TNS1: variants seen among roughly 807,000 people sequenced by gnomAD.
TNS1 encodes the protein tensin-1.
A neutral mutation model predicts 168.6 loss-of-function variants in TNS1; 62 were observed. That is an observed-to-expected ratio of 0.37 (90% CI 0.30 to 0.45). The LOEUF is 0.45. Among genes scored for constraint, TNS1 ranks in the 20% least tolerant of loss-of-function variants. TNS1 has a pLI of 1.00. For synonymous variants in TNS1, 934 were observed against 933.2 expected (o/e 1.00, Z -0.02); for missense variants, 2,240 against 2,339.4 (o/e 0.96, Z 0.88).
intron 25 of TNS1, 61 bp downstream of exon 25, chr2:217,814,851 G>A (rs549952841): frequency 3.5e-6 from 5 of 1,437,788 alleles, no homozygotes; most frequent in Admixed American, 1.8e-5. Context: ...CTTGCCCAGG[G>A]AAGACACAGC....
intron 3 of TNS1, among the ~76,000 whole-genome samples, chr2:217,956,301 C>T (rs1371066179): frequency 6.6e-6 from 1 of 152,118 alleles, no homozygotes; most frequent in Admixed American, 6.5e-5. Flanking sequence ...CCGCACCCGG[C>T]CACTCTTTGA....
chr2:217,969,177 C>T (rs1575146467), intron 3 of TNS1, among the ~76,000 whole-genome samples: 1 of 152,158 alleles, frequency 6.6e-6, no homozygotes, highest in Admixed American at 6.5e-5. Context: ...TTCACACTTC[C>T]CAATTTTGAA....
rs1229556770 is a variant in TNS1, at chr2:217,818,075, G to A, written c.4257C>T (p.Pro1419=). 2.5e-6 allele frequency: 4 copies of A among 1,612,412 alleles called. No individual in the cohort carries two copies. The East Asian group carries it at 8.9e-5, about 36-fold the overall frequency. The change falls in exon 24 of 33, where the codon CCC becomes CCT. Residue 1419 remains proline, a synonymous_variant. Coordinates refer to ENST00000682258, the MANE Select transcript of TNS1 (RefSeq NM_001387777.1). ...CATAGGCCACATGCCGGTCCAAGCA[G>A]GGGCTGCCGGGAACCACAGATCCAG... is the stretch of plus-strand genomic sequence containing the variant. ...GGSGSVVPGS[P]CLDRHVAYGG... is the part of the protein sequence containing the mutation.
intron 19 of TNS1, among the ~76,000 whole-genome samples, chr2:217,842,700 AT>A (rs1946142812): frequency 6.6e-6 from 1 of 152,138 alleles, no homozygotes; most frequent in South Asian, 2.1e-4. Context: ...AAAAGCCACC[AT>A]TCTTACAATC....
chr2:217,831,455 C>T lies in TNS1; in HGVS notation c.3373G>A (p.Glu1125Lys), dbSNP rs1274927291. The change falls in exon 22 of 33, where the codon GAG (glutamate) becomes AAG (lysine). Residue 1125 changes from glutamate to lysine, a missense_variant and splice_region_variant. Glu to Lys is a moderately conservative substitution (Grantham distance 56). Around this residue, in one of 2 missense-constraint regions of TNS1, gnomAD observed 2,131 missense variants for 2,171.2 expected, o/e 0.98. Coordinates refer to ENST00000682258, the MANE Select transcript of TNS1 (RefSeq NM_001387777.1). ...CCCATCTTCCCTCTTCCCAACTCACCTCCTGTGGGGTGCAACAGGATGTCC... is the reference window on the plus strand; with the variant it reads ...CCCATCTTCCCTCTTCCCAACTCACTTCCTGTGGGGTGCAACAGGATGTCC... ...PADILLHPTGEPRSYVESVAR... is the reference protein window; with the variant it reads ...PADILLHPTGKPRSYVESVAR... 15 of 1,580,616 alleles carry T rather than the reference C, an allele frequency of 9.5e-6. No homozygotes were observed. Among genetic ancestry groups the T allele is most frequent in the Non-Finnish European group, 1.3e-5 (15 of 1,163,258 alleles).
chr2:217,917,980 C>T (rs1394997792), intron 4 of TNS1, among the ~76,000 whole-genome samples: 1 of 151,948 alleles, frequency 6.6e-6, no homozygotes, highest in East Asian at 1.9e-4. Flanking sequence ...GCGGCTGAAA[C>T]AGAATGAGTG....
At chr2:217,825,526 G>A (rs1300550059) in intron 22 of TNS1, among the ~76,000 whole-genome samples, 1 of 152,154 alleles carries the variant, frequency 6.6e-6, no homozygotes, top group East Asian at 1.9e-4. Context: ...CCAGGCCCCT[G>A]ACCCACACAT....
chr2:217,858,700 A>ACACACACACACACACACACC (rs1212064824), intron 18 of TNS1: 18 of 188,232 alleles, frequency 9.6e-5, no homozygotes, highest in African/African-American at 4.2e-4. Flanking sequence ...ACACACACAC[A>ACACACACACACACACACACC]CCCCACTCCC....
intron 32 of TNS1, among the ~76,000 whole-genome samples, chr2:217,806,566 G>C (rs538639063): frequency 1.7e-4 from 26 of 152,310 alleles, no homozygotes; most frequent in African/African-American, 6.3e-4. Flanking sequence ...TGGTGAGTGA[G>C]CACAAGCCCC....
chr2:217,910,715 C>CAT (rs1328401390), intron 4 of TNS1, among the ~76,000 whole-genome samples: 5 of 71,370 alleles, frequency 7.0e-5, no homozygotes, highest in African/African-American at 5.2e-4. Context: ...CATACACATA[C>CAT]ACACACACAC....
chr2:218,011,136 C>A (rs972054486), upstream of TNS1, among the ~76,000 whole-genome samples: 1 of 152,218 alleles, frequency 6.6e-6, no homozygotes, highest in Non-Finnish European at 1.5e-5. Context: ...CACTTCACAT[C>A]TTCTCCCTTC....
intron 18 of TNS1, among the ~76,000 whole-genome samples, chr2:217,859,925 C>A (rs537564622): frequency 5.3e-5 from 8 of 152,268 alleles, no homozygotes; most frequent in African/African-American, 1.9e-4. Context: ...GACTTATTTG[C>A]ATATCAATTG....
intron 1 of TNS1, among the ~76,000 whole-genome samples, chr2:218,023,894 C>G (rs1958830522): frequency 6.6e-6 from 1 of 151,664 alleles, no homozygotes; most frequent in East Asian, 1.9e-4. Context: ...GCCCCCTCCC[C>G]CTACACCCTT....
At chr2:217,921,003 A>G (rs1292991732) in intron 3 of TNS1, among the ~76,000 whole-genome samples, 1 of 121,658 alleles carries the variant, frequency 8.2e-6, no homozygotes, top group Non-Finnish European at 1.7e-5. Flanking sequence ...GAGAGGGAAG[A>G]GGAGAGTGGA....
At chr2:217,975,469 A>G (rs934298136) in intron 3 of TNS1, among the ~76,000 whole-genome samples, 2 of 152,182 alleles carry the variant, frequency 1.3e-5, no homozygotes, top group African/African-American at 4.8e-5. Context: ...AGGAACAGTG[A>G]GGGTGGCGTG....
chr2:217,920,446 G>A (rs1243092952), intron 3 of TNS1, among the ~76,000 whole-genome samples: 1 of 152,122 alleles, frequency 6.6e-6, no homozygotes, highest in Non-Finnish European at 1.5e-5. Flanking sequence ...GCCGCAGAAG[G>A]CAAAAATGAA....
intron 17 of TNS1, 112 bp downstream of exon 17, chr2:217,882,234 C>T: frequency 1.4e-6 from 1 of 711,050 alleles, no homozygotes; most frequent in Non-Finnish European, 2.4e-6. Context: ...TGATGGCCTG[C>T]CTCTCAAAAA....
At chr2:217,875,360 G>A (rs935013759) in intron 18 of TNS1, among the ~76,000 whole-genome samples, 5 of 152,152 alleles carry the variant, frequency 3.3e-5, no homozygotes, top group Non-Finnish European at 5.9e-5. Flanking sequence ...CATGGGTTGC[G>A]AAAGTCTGAG....
chr2:217,859,931 A>T (rs1948625752), intron 18 of TNS1, among the ~76,000 whole-genome samples: 2 of 152,156 alleles, frequency 1.3e-5, no homozygotes, highest in Admixed American at 1.3e-4. Context: ...TTTGCATATC[A>T]ATTGAATCTC....
Sources: allele counts gnomAD v4.1 joint callset (sites outside exome capture counted in the v4.1 genomes callset), GRCh38; gene constraint gnomAD v4.1.1; regional missense constraint gnomAD v4.1.1; transcripts MANE v1.5; gene names NCBI Gene and HGNC (gene_info 2026-07-23, HGNC 2026-07-21).